The following CCDC60 variants were observed in gnomAD, a reference collection of about 807,000 sequenced individuals.
CCDC60 encodes coiled-coil domain-containing protein 60.
In CCDC60, 54 loss-of-function variants were observed where a neutral mutation model predicts 63.5. That is an observed-to-expected ratio of 0.85 (90% CI 0.68 to 1.07). CCDC60 has a LOEUF of 1.07. Ranked by LOEUF, CCDC60 falls within the 50% of genes least tolerant of loss-of-function variation. The pLI is 0.00. For synonymous variants in CCDC60, 206 were observed against 238.8 expected (o/e 0.86, Z 1.27); for missense variants, 651 against 684.3 (o/e 0.95, Z 0.54).
chr12:119,466,798 A>C (rs1188369918), intron 2 of CCDC60, among the ~76,000 whole-genome samples: 1 of 152,212 alleles, frequency 6.6e-6, no homozygotes, highest in Non-Finnish European at 1.5e-5. Context: ...AACCCATTTC[A>C]TATTCTCTTG....
intron 1 of CCDC60, among the ~76,000 whole-genome samples, chr12:119,416,745 T>G (rs1593055800): frequency 6.6e-6 from 1 of 152,162 alleles, no homozygotes; most frequent in South Asian, 2.1e-4. Context: ...CTGGTTATCT[T>G]TTTCTTTCAG....
intron 2 of CCDC60, among the ~76,000 whole-genome samples, chr12:119,431,595 GTCCC>G (rs1950228908): frequency 2.6e-5 from 4 of 152,152 alleles, no homozygotes; most frequent in Admixed American, 2.6e-4. Context: ...AGACAATCTA[GTCCC>G]CAGGCAAAAA....
At chr12:119,455,621 G>C (rs1284493074) in intron 2 of CCDC60, among the ~76,000 whole-genome samples, 2 of 151,980 alleles carry the variant, frequency 1.3e-5, no homozygotes, top group African/African-American at 2.4e-5. Context: ...CTAAATTTTT[G>C]GGAGGCCAAG....
Position 119,524,716 on chromosome 12 carries a change from C to CTTTTTTTTTTTTTTTTTT in CCDC60, c.1229+902_1229+903insTTTTTTTTTTTTTTTTTT, listed in dbSNP as rs1416953138. Among the ~76,000 whole-genome samples, 68 of 90,530 alleles carry CTTTTTTTTTTTTTTTTTT rather than the reference C, an allele frequency of 7.5e-4. 3 individuals are homozygous for CTTTTTTTTTTTTTTTTTT. The highest frequency in any genetic ancestry group is 3.2e-3 in the African/African-American group (61 of 18,806). The allele number at this position is 90,530 out of a possible 152,430, so 59.4% of individuals were successfully genotyped here. A position where few individuals can be genotyped will look rare whatever the true frequency, so the allele number is the denominator to read the frequency against. On this transcript the variant is annotated intron_variant, in intron 11 of 13. Coordinates refer to ENST00000327554, the MANE Select transcript of CCDC60 (RefSeq NM_178499.5). ...AGGAAACAGCAGTTTCTTTTCTTTT[C>CTTTTTTTTTTTTTTTTTT]TTTTCTTTTTTTTTTTTTTTTTTTG...
At position 119,463,259 on chromosome 12, in the gene CCDC60, C is replaced by A. The variant is rs79550390; in HGVS notation, c.171-8735C>A. ...CTGGCACCTACCAGTCAGTGATAAACCACCCAAGTTAGTCCTTGACCCAGT... is the reference window on the plus strand; with the variant it reads ...CTGGCACCTACCAGTCAGTGATAAAACACCCAAGTTAGTCCTTGACCCAGT... On this transcript the variant is annotated intron_variant, in intron 2 of 13. Coordinates refer to ENST00000327554, the MANE Select transcript of CCDC60 (RefSeq NM_178499.5). Among the ~76,000 whole-genome samples the A allele has an allele frequency of 6.3e-3, 963 of 152,356 alleles. 13 individuals carry two copies. Among genetic ancestry groups the A allele is most frequent in the African/African-American group, 0.022 (910 of 41,578 alleles).
intron 13 of CCDC60, among the ~76,000 whole-genome samples, chr12:119,532,153 G>A (rs531927833): frequency 2.0e-5 from 3 of 152,152 alleles, no homozygotes; most frequent in South Asian, 4.2e-4. Context: ...CCCATGACCC[G>A]TGAGGCTCCT....
rs577673221 is a variant in CCDC60, at chr12:119,461,127, A to T, written c.171-10867A>T. 3.9e-5 allele frequency among the ~76,000 whole-genome samples: 6 copies of T among 152,160 alleles called. No individual in the cohort carries two copies. The South Asian group carries it at 1.0e-3, about 26-fold the overall frequency. ...TACCTAACCTTTTCTCTGTTTTCTC[A>T]TCTGTAAATCACTCCAACTTCTCAG... On this transcript the variant is annotated intron_variant, in intron 2 of 13. Coordinates refer to ENST00000327554, the MANE Select transcript of CCDC60 (RefSeq NM_178499.5).
intron 1 of CCDC60, among the ~76,000 whole-genome samples, chr12:119,353,729 TC>T (rs1955686351): frequency 6.8e-6 from 1 of 148,038 alleles, no homozygotes; most frequent in East Asian, 2.1e-4. Context: ...TGCCTCAGCC[TC>T]CCAAGTAGCT....
In CCDC60 at chr12:119,475,562, C is replaced by A. The variant is rs117144451; in HGVS notation, c.341+3398C>A. Among the ~76,000 whole-genome samples, 471 of 152,264 alleles carry A rather than the reference C, an allele frequency of 3.1e-3. 2 individuals carry two copies. The highest frequency in any genetic ancestry group is 8.5e-3 in the South Asian group (41 of 4,826). On this transcript the variant is annotated intron_variant, in intron 3 of 13. Transcript: ENST00000327554. Reference sequence around the variant, plus strand: ...ACTGGAAGTCATTACAGCAATGTAGCCATCAAATGCGCGGGTGGGAGGGTG... The same window carrying A: ...ACTGGAAGTCATTACAGCAATGTAGACATCAAATGCGCGGGTGGGAGGGTG...
At chr12:119,537,755 G>A (rs1953045904) in intron 13 of CCDC60, among the ~76,000 whole-genome samples, 1 of 152,198 alleles carries the variant, frequency 6.6e-6, no homozygotes, top group Non-Finnish European at 1.5e-5. Context: ...CTGTAGAACA[G>A]CAAATATTGC....
Position 119,505,095 on chromosome 12 carries a change from G to A in CCDC60, c.675G>A (p.Met225Ile), listed in dbSNP as rs780719474. The change falls in exon 7 of 14, where the codon ATG (methionine) becomes ATA (isoleucine). Residue 225 changes from methionine (M) to isoleucine (I), a missense_variant. Transcript: ENST00000327554. ...CCAAGAAATTCAAAATTCCCACAATGCGAGTCACCAACCGCAAACCAAGCC... is the reference window on the plus strand; with the variant it reads ...CCAAGAAATTCAAAATTCCCACAATACGAGTCACCAACCGCAAACCAAGCC... ...PKTKKFKIPT[M>I]RVTNRKPSRR... 3 of 1,604,908 alleles carry A rather than the reference G, an allele frequency of 1.9e-6. No individual in the cohort carries two copies. The South Asian group carries it at 3.3e-5, about 18-fold the overall frequency.
chr12:119,355,730 C>T (rs569940101), intron 1 of CCDC60, among the ~76,000 whole-genome samples: 12 of 152,208 alleles, frequency 7.9e-5, no homozygotes, highest in Non-Finnish European at 1.5e-4. Flanking sequence ...AGCTCAGAGG[C>T]AGTTCTGCAG....
At chr12:119,501,356 C>A (rs1168880029) in intron 6 of CCDC60, among the ~76,000 whole-genome samples, 1 of 152,124 alleles carries the variant, frequency 6.6e-6, no homozygotes, top group Non-Finnish European at 1.5e-5. Flanking sequence ...ACTATTCTTA[C>A]CCCCAGGTGA....
chr12:119,410,462 C>T lies in CCDC60; in HGVS notation c.91-18221C>T, dbSNP rs764238089. ...TCAGTCCTTCACTGGGCCCTCACCC[C>T]TAAGCTGATTTTGCCGAAATGGCTT... On this transcript the variant is annotated intron_variant, in intron 1 of 13. Transcript: ENST00000327554. The surrounding 1 kb of genome is among the most constrained non-coding windows in gnomAD (Gnocchi z 4.0). 2.6e-5 allele frequency among the ~76,000 whole-genome samples: 4 copies of T among 152,142 alleles called. No individual in the cohort carries two copies. Among genetic ancestry groups the T allele is most frequent in the Admixed American group, 2.6e-4 (4 of 15,274 alleles).
chr12:119,500,087 T>A lies in CCDC60; in HGVS notation c.567T>A (p.Gly189=). The A allele has an allele frequency of 6.2e-7, 1 of 1,611,736 alleles. No individual in the cohort carries two copies. The highest frequency in any genetic ancestry group is 8.5e-7 in the Non-Finnish European group (1 of 1,178,358). The stretch of plus-strand genomic sequence containing the variant: ...GCTGTTTCTCACTCAGGGACCCGGG[T>A]GGAAGCAAGAGCACCATTAAAAAAA... The part of the protein sequence containing the change: ...VITCWNPKDP[G]GSKSTIKKIN... The change falls in exon 6 of 14, where the codon GGT becomes GGA. Residue 189 remains glycine, a synonymous_variant. Transcript: ENST00000327554.
intron 2 of CCDC60, among the ~76,000 whole-genome samples, chr12:119,469,597 G>A (rs1951017557): frequency 6.6e-6 from 1 of 152,140 alleles, no homozygotes; most frequent in Admixed American, 6.6e-5. Flanking sequence ...CAAAGAAAAA[G>A]ACTTTTCAGA....
chr12:119,427,279 A>G (rs1401342615), intron 1 of CCDC60, among the ~76,000 whole-genome samples: 1 of 152,230 alleles, frequency 6.6e-6, no homozygotes, highest in African/African-American at 2.4e-5. Context: ...GTATATCCAC[A>G]CAGATCATTT....
At chr12:119,383,164 T>C (rs1451734435) in intron 1 of CCDC60, among the ~76,000 whole-genome samples, 3 of 152,194 alleles carry the variant, frequency 2.0e-5, no homozygotes, top group African/African-American at 7.2e-5. Context: ...ATCCCAGCAC[T>C]TTGGGAAGCC....
intron 1 of CCDC60, among the ~76,000 whole-genome samples, chr12:119,421,621 G>C (rs547644666): frequency 6.6e-6 from 1 of 152,332 alleles, no homozygotes; most frequent in African/African-American, 2.4e-5. Flanking sequence ...AGAGCACATA[G>C]GAGATTGGCA....
Sources: gnomAD v4.1 joint callset for allele counts (sites outside exome capture counted in the v4.1 genomes callset) on GRCh38, gnomAD v4.1.1 for gene constraint, Gnocchi (gnomAD v3.1) non-coding constraint, MANE v1.5 for transcripts, NCBI Gene and HGNC (gene_info 2026-07-23, HGNC 2026-07-21) for gene names.